NRG4: variants seen among roughly 807,000 people sequenced by gnomAD.
NRG4 encodes the protein neuregulin 4.
In NRG4, 10 loss-of-function variants were observed where a neutral mutation model predicts 15.0. The ratio of observed to expected loss-of-function variants is 0.67; its 90% confidence interval spans 0.41 to 1.13. The LOEUF (loss-of-function observed/expected upper bound fraction) is 1.13, where lower values mean the gene tolerates loss of function less well. Among genes scored for constraint, NRG4 ranks in the 50% most tolerant of loss-of-function variants. The pLI is 0.00. For synonymous variants in NRG4, 41 were observed against 50.1 expected (o/e 0.82, Z 0.77); for missense variants, 139 against 140.2 (o/e 0.99, Z 0.04).
intron 3 of NRG4, among the ~76,000 whole-genome samples, chr15:76,001,652 G>C (rs578232010): frequency 5.9e-5 from 9 of 152,272 alleles, no homozygotes; most frequent in African/African-American, 1.9e-4. Context: ...AGAATGGGAG[G>C]TTAAAATACG....
intron 5 of NRG4, among the ~76,000 whole-genome samples, chr15:76,027,411 C>G (rs915063416): frequency 3.3e-5 from 5 of 151,368 alleles, no homozygotes; most frequent in Admixed American, 3.3e-4. Context: ...ACCAAAGCAC[C>G]TAGATATATA....
At chr15:75,997,088 C>A (rs965752032) in intron 3 of NRG4, among the ~76,000 whole-genome samples, 7 of 151,740 alleles carry the variant, frequency 4.6e-5, no homozygotes, top group Admixed American at 2.6e-4. Flanking sequence ...TTCCAGAGAG[C>A]TGATGTTATA....
intron 3 of NRG4, among the ~76,000 whole-genome samples, chr15:75,991,426 G>A (rs2034012233): frequency 6.6e-6 from 1 of 152,044 alleles, no homozygotes; most frequent in South Asian, 2.1e-4. Flanking sequence ...TTAGCCCATG[G>A]GTCATAGTTT....
intron 4 of NRG4, among the ~76,000 whole-genome samples, chr15:75,957,080 C>T (rs1284947358): frequency 6.6e-6 from 1 of 151,944 alleles, no homozygotes; most frequent in African/African-American, 2.4e-5. Context: ...ATTTATCCTC[C>T]CCCCATACAA....
chr15:76,020,249 AC>A (rs1381901260), intron 5 of NRG4, among the ~76,000 whole-genome samples: 3 of 152,086 alleles, frequency 2.0e-5, no homozygotes, highest in African/African-American at 7.2e-5. Context: ...CCAATTGATA[AC>A]CCTACAATGG....
intron 2 of NRG4, 134 bp from the exon 3 acceptor site, chr15:76,009,427 G>T: frequency 1.9e-6 from 1 of 540,426 alleles, no homozygotes; most frequent in Non-Finnish European, 3.3e-6. Flanking sequence ...TTCTCAAAAT[G>T]AAAGATTTAA....
At chr15:76,001,219 C>T (rs932292951) in intron 3 of NRG4, among the ~76,000 whole-genome samples, 3 of 152,190 alleles carry the variant, frequency 2.0e-5, no homozygotes, top group Non-Finnish European at 4.4e-5. Flanking sequence ...TCTCAAACTC[C>T]TGGCCTCAAG....
chr15:75,981,869 C>T (rs2141852881), intron 3 of NRG4, among the ~76,000 whole-genome samples: 1 of 151,390 alleles, frequency 6.6e-6, no homozygotes, highest in Middle Eastern at 3.4e-3. Flanking sequence ...AATTCTTTAC[C>T]AATAAATTTG....
intron 5 of NRG4, among the ~76,000 whole-genome samples, chr15:75,947,958 T>C (rs1022241813): frequency 2.0e-5 from 3 of 152,352 alleles, no homozygotes; most frequent in African/African-American, 7.2e-5. Context: ...TGTATCTTCT[T>C]TGGAGAAATG....
chr15:76,003,400 A>G lies in NRG4; in HGVS notation c.104+5800T>C, dbSNP rs74980060. On this transcript the variant is annotated intron_variant, in intron 3 of 5. Transcript: ENST00000394907. Reference sequence around the variant, plus strand: ...GACAACTGTTGAGTCATCTACCAGAAAGAAAAAAGATTAAAGAAAGTGAAC... The same window carrying G: ...GACAACTGTTGAGTCATCTACCAGAGAGAAAAAAGATTAAAGAAAGTGAAC... Among the ~76,000 whole-genome samples, 51 of 152,262 alleles carry G rather than the reference A, an allele frequency of 3.3e-4. No individual in the cohort carries two copies. The East Asian group carries it at 9.6e-3, about 29-fold the overall frequency.
intron 2 of NRG4, 139 bp downstream of exon 2, chr15:76,011,082 A>G (rs2034793381): frequency 1.4e-6 from 1 of 738,388 alleles, no homozygotes; most frequent in African/African-American, 1.8e-5. Context: ...TCATATTTGA[A>G]ATATTAATTT....
At chr15:75,962,941 C>A (rs1477911226) in intron 3 of NRG4, among the ~76,000 whole-genome samples, 1 of 152,178 alleles carries the variant, frequency 6.6e-6, no homozygotes, top group Non-Finnish European at 1.5e-5. Context: ...AATTAATTAT[C>A]TTCCTTATTC....
intron 3 of NRG4, 65 bp from the exon 4 acceptor site, chr15:75,962,039 A>C: frequency 7.9e-7 from 1 of 1,264,134 alleles, no homozygotes; most frequent in Middle Eastern, 2.0e-4. Context: ...TGGAAGAAAA[A>C]CAGTTTCCAG....
chr15:76,030,902 C>A (rs1195627897), intron 5 of NRG4, among the ~76,000 whole-genome samples: 2 of 152,068 alleles, frequency 1.3e-5, no homozygotes, highest in African/African-American at 4.8e-5. Flanking sequence ...CCAACATAAC[C>A]TTGATGCCAA....
At chr15:75,953,135 A>C (rs2141790224) in intron 5 of NRG4, among the ~76,000 whole-genome samples, 1 of 152,310 alleles carries the variant, frequency 6.6e-6, no homozygotes, top group East Asian at 1.9e-4. Context: ...TTTTCTACTA[A>C]GAGTTATATG....
At chr15:76,018,386 T>A (rs1295929349) in intron 5 of NRG4, among the ~76,000 whole-genome samples, 1 of 152,212 alleles carries the variant, frequency 6.6e-6, no homozygotes, top group South Asian at 2.1e-4. Context: ...AGGAGTGTGA[T>A]CCTTTGGAGT....
chr15:75,979,614 G>A (rs2033523277), intron 3 of NRG4, among the ~76,000 whole-genome samples: 1 of 151,886 alleles, frequency 6.6e-6, no homozygotes, highest in African/African-American at 2.4e-5. Context: ...TAAAATGCTG[G>A]CCCCAAAAAA....
chr15:75,971,553 C>T (rs1268813239), intron 3 of NRG4, among the ~76,000 whole-genome samples: 2 of 152,076 alleles, frequency 1.3e-5, no homozygotes, highest in African/African-American at 4.8e-5. Flanking sequence ...AAAGGCCTTT[C>T]CCTCTCATTA....
chr15:76,026,654 T>C (rs2035323094), intron 5 of NRG4, among the ~76,000 whole-genome samples: 1 of 152,102 alleles, frequency 6.6e-6, no homozygotes, highest in South Asian at 2.1e-4. Context: ...ATTCAAACCA[T>C]TTCATTACAG....
Sources: gnomAD v4.1 joint callset for allele counts (sites outside exome capture counted in the v4.1 genomes callset) on GRCh38, gnomAD v4.1.1 for gene constraint, MANE v1.5 for transcripts, NCBI Gene and HGNC (gene_info 2026-07-23, HGNC 2026-07-21) for gene names.